The following SHANK2 variants were observed in gnomAD, a reference collection of about 807,000 sequenced individuals.
SHANK2 encodes SH3 and multiple ankyrin repeat domains protein 2.
A neutral mutation model predicts 133.7 loss-of-function variants in SHANK2; 43 were observed. That is an observed-to-expected ratio of 0.32 (90% CI 0.25 to 0.41). The LOEUF is 0.41. SHANK2 is among the 10% of genes least tolerant of loss of function. SHANK2 has a pLI of 1.00. For missense variants in SHANK2, 1,994 were observed against 2,235.8 expected (o/e 0.89, Z 2.18); for synonymous variants, 1,017 against 952.8 (o/e 1.07, Z -1.24).
intron 9 of SHANK2, among the ~76,000 whole-genome samples, chr11:71,056,862 A>T (rs943958376): frequency 7.5e-6 from 1 of 133,158 alleles, no homozygotes; most frequent in Non-Finnish European, 1.5e-5. Context: ...GAAGAAAGAA[A>T]AGAAAAGAAG....
Position 71,075,227 on chromosome 11 carries a change from C to T in SHANK2, c.961G>A (p.Gly321Arg), listed in dbSNP as rs899953990. The T allele has an allele frequency of 4.7e-5, 12 of 252,748 alleles. No individual in the cohort carries two copies. Among genetic ancestry groups the T allele is most frequent in the African/African-American group, 9.1e-5 (4 of 43,870 alleles). The allele number at this position is 252,748 out of a possible 1,614,324, so 15.7% of individuals were successfully genotyped here. The change falls in exon 9 of 26, where the codon GGG (glycine) becomes AGG (arginine). Residue 321 changes from glycine to arginine, a missense_variant. Around this residue, in one of 5 missense-constraint regions of SHANK2, gnomAD observed 653 missense variants for 563.4 expected, o/e 1.16. Coordinates refer to ENST00000601538, the MANE Select transcript of SHANK2 (RefSeq NM_012309.5). ...VQHLEHLLFY[G>R]ADMSAQNASG... is the part of the protein sequence containing the mutation. Reference sequence around the variant, plus strand: ...GCATTCTGGGCACTCATGTCTGCCCCGTAGAACAGCAGGTGCTCCAGGTGC... The same window carrying T: ...GCATTCTGGGCACTCATGTCTGCCCTGTAGAACAGCAGGTGCTCCAGGTGC...
intron 14 of SHANK2, among the ~76,000 whole-genome samples, chr11:70,734,125 G>A (rs1170907715): frequency 6.6e-6 from 1 of 152,194 alleles, no homozygotes; most frequent in Non-Finnish European, 1.5e-5. Flanking sequence ...GCGCATCTGG[G>A]AGGAGCAGGT....
At chr11:70,936,700 G>T (rs180981022) in intron 10 of SHANK2, among the ~76,000 whole-genome samples, 16 of 152,246 alleles carry the variant, frequency 1.1e-4, no homozygotes, top group South Asian at 2.1e-4. Context: ...CTCCACTAAC[G>T]AACAGGTTCA....
chr11:70,742,334 T>G (rs1946545749), intron 14 of SHANK2, among the ~76,000 whole-genome samples: 1 of 152,158 alleles, frequency 6.6e-6, no homozygotes. Context: ...TGTCTCTTGG[T>G]TTCTACCGAC....
At chr11:71,130,103 CTTGA>C (rs1338497379) in intron 3 of SHANK2, among the ~76,000 whole-genome samples, 1 of 152,200 alleles carries the variant, frequency 6.6e-6, no homozygotes, top group African/African-American at 2.4e-5. Context: ...CTTCATTTAA[CTTGA>C]TTGCCTCTGT....
intron 11 of SHANK2, among the ~76,000 whole-genome samples, chr11:70,892,704 A>G (rs1196981394): frequency 6.6e-6 from 1 of 151,938 alleles, no homozygotes; most frequent in African/African-American, 2.4e-5. Flanking sequence ...CTTGGCACTC[A>G]CTGTTCCCAG....
chr11:70,633,863 T>A (rs2061034824), intron 17 of SHANK2: 1 of 152,130 alleles, frequency 6.6e-6, no homozygotes, highest in South Asian at 2.1e-4. Context: ...GGCCCAACAT[T>A]AACAGCGCTG....
At chr11:70,935,614 A>T (rs1404764789) in intron 10 of SHANK2, among the ~76,000 whole-genome samples, 1 of 152,162 alleles carries the variant, frequency 6.6e-6, no homozygotes, top group African/African-American at 2.4e-5. Flanking sequence ...GTCTTTTCTG[A>T]AACTGGGATG....
chr11:70,594,404 C>T (rs7939679), intron 17 of SHANK2, among the ~76,000 whole-genome samples: 79,232 of 151,596 alleles, frequency 0.52, 21,115 homozygotes, highest in African/African-American at 0.64. Context: ...GAGGAACCCA[C>T]GTATATGAAA....
intron 17 of SHANK2, among the ~76,000 whole-genome samples, chr11:70,536,439 T>TC (rs1554974210): frequency 6.6e-6 from 1 of 152,066 alleles, no homozygotes. Flanking sequence ...CCCAGGGCTG[T>TC]CCCCACCCAG....
chr11:70,686,113 C>CCCATCCAT (rs1182323309), intron 15 of SHANK2, among the ~76,000 whole-genome samples: 40 of 144,600 alleles, frequency 2.8e-4, no homozygotes, highest in African/African-American at 1.0e-3. Context: ...CACCCATCTA[C>CCCATCCAT]CCATCCATCC....
In SHANK2 at chr11:70,477,746, A is replaced by G. The variant is rs530459342; in HGVS notation, c.4980-4307T>C. Among the ~76,000 whole-genome samples, 99 of 152,332 alleles carry G rather than the reference A, an allele frequency of 6.5e-4. 2 individuals are homozygous for G. Among genetic ancestry groups the G allele is most frequent in the African/African-American group, 2.3e-3 (96 of 41,580 alleles). ...GGGGCCTGCCAGTGTCCTGCCCCACATTGCTATAGAAAGTAACCGCCTGTG... is the reference window on the plus strand; with the variant it reads ...GGGGCCTGCCAGTGTCCTGCCCCACGTTGCTATAGAAAGTAACCGCCTGTG... On this transcript the variant is annotated intron_variant, in intron 25 of 25. Transcript: ENST00000601538.
chr11:70,792,745 C>T (rs1947821505), intron 14 of SHANK2, among the ~76,000 whole-genome samples: 1 of 152,088 alleles, frequency 6.6e-6, no homozygotes, highest in Admixed American at 6.6e-5. Flanking sequence ...TACCATCTTC[C>T]AGATTCTATG....
rs2058590195 is a variant in SHANK2 at position 70,470,864 on chromosome 11, T to G, written c.*2005A>C. 1 of 157,220 alleles carries G rather than the reference T, an allele frequency of 6.4e-6. No individual in the cohort carries two copies. The highest frequency in any genetic ancestry group is 1.8e-4 in the East Asian group (1 of 5,568). The allele number at this position is 157,220 out of a possible 1,614,324, so 9.7% of individuals were successfully genotyped here. ...TGACTGGAAAAGCGCGTGTGTGTGG[T>G]GTGTGTTTTGTTTTTGTTTTTGGAG... On this transcript the variant is annotated 3_prime_UTR_variant, in exon 26 of 26. Coordinates refer to ENST00000601538, the MANE Select transcript of SHANK2 (RefSeq NM_012309.5).
At chr11:70,820,706 G>T (rs1555055756) in intron 11 of SHANK2, 24 bp from the exon 12 acceptor site, 2 of 645,546 alleles carry the variant, frequency 3.1e-6, no homozygotes, top group East Asian at 5.5e-5. Context: ...CATGGAGAGA[G>T]GCCGGTGAGT....
At chr11:70,920,916 T>G (rs1212865573) in intron 10 of SHANK2, among the ~76,000 whole-genome samples, 1 of 152,244 alleles carries the variant, frequency 6.6e-6, no homozygotes, top group African/African-American at 2.4e-5. Context: ...TAACTCATGA[T>G]GCATATTACC....
chr11:71,168,068 C>G (rs1291888565), intron 2 of SHANK2, among the ~76,000 whole-genome samples: 4 of 141,254 alleles, frequency 2.8e-5, no homozygotes, highest in Admixed American at 6.8e-5. Flanking sequence ...ACTTCTCAGA[C>G]GGGGCGGTTG....
chr11:70,472,564 C>G lies in SHANK2; in HGVS notation c.*305G>C. 1 of 437,078 alleles carries G rather than the reference C, an allele frequency of 2.3e-6. No homozygotes were observed. Among genetic ancestry groups the G allele is most frequent in the Non-Finnish European group, 4.3e-6 (1 of 235,150 alleles). 27.1% of individuals were successfully genotyped at this position (437,078 alleles called of 1,614,324 possible). On this transcript the variant is annotated 3_prime_UTR_variant, in exon 26 of 26. Coordinates refer to ENST00000601538, the MANE Select transcript of SHANK2 (RefSeq NM_012309.5). This position sits in a 1 kb window ranked among gnomAD's most constrained non-coding sequence, Gnocchi z 4.4. ...CGTGCAAAATTGACGGGGAGCCTCT[C>G]GGACCCGGCAAAGCGAGGCCACCTG... is the stretch of plus-strand genomic sequence containing the variant.
intron 15 of SHANK2, among the ~76,000 whole-genome samples, chr11:70,678,532 CTTTTTT>C (rs34446408): frequency 1.3e-5 from 1 of 77,042 alleles, no homozygotes; most frequent in Non-Finnish European, 2.4e-5. Flanking sequence ...TAAGAACAGG[CTTTTTT>C]TTTTTTTTTT....
Sources: allele counts gnomAD v4.1 joint callset (sites outside exome capture counted in the v4.1 genomes callset), GRCh38; gene constraint gnomAD v4.1.1; regional missense constraint gnomAD v4.1.1; non-coding constraint Gnocchi (gnomAD v3.1); transcripts MANE v1.5; gene names NCBI Gene and HGNC (gene_info 2026-07-23, HGNC 2026-07-21).